The following GRID1 variants were observed in gnomAD, a reference collection of about 807,000 sequenced individuals.
The protein encoded by GRID1 is glutamate ionotropic receptor delta type subunit 1, also known as glutamate receptor ionotropic, delta-1.
Under a neutral mutation model 98.0 loss-of-function variants are expected in GRID1, and 28 were observed. The ratio of observed to expected loss-of-function variants is 0.29; its 90% CI spans 0.21 to 0.39. GRID1 has a LOEUF of 0.39. Among genes scored for constraint, GRID1 ranks in the 10% least tolerant of loss-of-function variants. GRID1 has a pLI of 1.00. For synonymous variants in GRID1, 553 were observed against 538.5 expected, an observed-to-expected ratio of 1.03 and a Z score of -0.37; for missense variants, 1,111 against 1,340.5, an observed-to-expected ratio of 0.83 and a Z score of 2.67.
chr10:85,650,792 G>A (rs1017099685), intron 12 of GRID1, among the ~76,000 whole-genome samples: 15 of 152,200 alleles, frequency 9.9e-5, no homozygotes, highest in South Asian at 4.1e-4. Context: ...TACCTGAGAA[G>A]GCATTTGGGT....
intron 12 of GRID1, among the ~76,000 whole-genome samples, chr10:85,704,489 A>G (rs1841491302): frequency 6.6e-6 from 1 of 152,214 alleles, no homozygotes; most frequent in Non-Finnish European, 1.5e-5. Flanking sequence ...GAGACCTAGA[A>G]AGAGACTTAG....
intron 12 of GRID1, among the ~76,000 whole-genome samples, chr10:85,699,822 G>T (rs1453164674): frequency 6.6e-6 from 1 of 152,108 alleles, no homozygotes; most frequent in Non-Finnish European, 1.5e-5. Flanking sequence ...TCTTTCCTTA[G>T]TTTAACGCAA....
rs1278195163 is a variant in GRID1 at position 86,364,023 on chromosome 10, G to A, written c.153C>T (p.Asn51=). ...TCTTCTCGCTCTGCAGGATGTCATCGTTGAGGCTCAGGTCGGATACCGCCA... is the reference window on the plus strand; with the variant it reads ...TCTTCTCGCTCTGCAGGATGTCATCATTGAGGCTCAGGTCGGATACCGCCA... ...FQLAVSDLSL[N]DDILQSEKIT... The change falls in exon 2 of 16, where the codon AAC becomes AAT. Residue 51 remains asparagine, a synonymous_variant. Transcript: ENST00000327946. 1 of 1,613,640 alleles carries A rather than the reference G, an allele frequency of 6.2e-7. No homozygotes were observed. Among genetic ancestry groups the A allele is most frequent in the African/African-American group, 1.3e-5 (1 of 74,930 alleles).
intron 8 of GRID1, among the ~76,000 whole-genome samples, chr10:85,817,458 C>G (rs1590245232): frequency 6.6e-6 from 1 of 151,978 alleles, no homozygotes; most frequent in African/African-American, 2.4e-5. Context: ...CCCAAGAGGT[C>G]AAGGCTGCAG....
At chr10:86,199,998 T>C (rs1589407976) in intron 3 of GRID1, among the ~76,000 whole-genome samples, 1 of 151,830 alleles carries the variant, frequency 6.6e-6, no homozygotes, top group Non-Finnish European at 1.5e-5. Context: ...TAAGGCCTCC[T>C]CCGACTGTCT....
intron 13 of GRID1, among the ~76,000 whole-genome samples, chr10:85,635,343 A>C (rs1228740522): frequency 6.6e-6 from 1 of 152,188 alleles, no homozygotes; most frequent in African/African-American, 2.4e-5. Context: ...GGGCCAACTC[A>C]GTCAATTGTA....
intron 4 of GRID1, among the ~76,000 whole-genome samples, chr10:85,967,581 G>T: frequency 6.6e-6 from 1 of 152,208 alleles, no homozygotes; most frequent in East Asian, 1.9e-4. Flanking sequence ...AGAGAAAATC[G>T]TGTCTAAAAA....
chr10:85,828,911 C>T (rs542210752), intron 8 of GRID1, among the ~76,000 whole-genome samples: 1 of 152,252 alleles, frequency 6.6e-6, no homozygotes, highest in South Asian at 2.1e-4. Flanking sequence ...GCTACTGAAA[C>T]TATTCCAAAA....
At chr10:85,895,408 C>T (rs1441930617) in intron 5 of GRID1, among the ~76,000 whole-genome samples, 2 of 152,128 alleles carry the variant, frequency 1.3e-5, no homozygotes, top group Non-Finnish European at 2.9e-5. Context: ...GTCTCCTCAG[C>T]TCAATCAGAA....
At chr10:86,255,412 G>A (rs1029776086) in intron 2 of GRID1, among the ~76,000 whole-genome samples, 11 of 152,112 alleles carry the variant, frequency 7.2e-5, no homozygotes, top group Non-Finnish European at 2.9e-5. Context: ...CACTTTTAGA[G>A]AAGCGCACTA....
At chr10:85,738,777 A>G (rs928884924) in intron 8 of GRID1, among the ~76,000 whole-genome samples, 2 of 152,188 alleles carry the variant, frequency 1.3e-5, no homozygotes, top group African/African-American at 2.4e-5. Context: ...TGCTGTTAAT[A>G]TGGCATTCTC....
chr10:86,113,520 A>C (rs1157268539), intron 4 of GRID1, among the ~76,000 whole-genome samples: 2 of 152,212 alleles, frequency 1.3e-5, no homozygotes, highest in Admixed American at 6.5e-5. Flanking sequence ...GTCATGTCTC[A>C]TTACATGGTT....
chr10:86,351,631 C>G (rs1433957474), intron 2 of GRID1, among the ~76,000 whole-genome samples: 1 of 152,166 alleles, frequency 6.6e-6, no homozygotes, highest in African/African-American at 2.4e-5. Context: ...TGATGCACCC[C>G]CTTCTCTTGG....
intron 8 of GRID1, among the ~76,000 whole-genome samples, chr10:85,808,065 C>A (rs1170253469): frequency 6.6e-6 from 1 of 151,968 alleles, no homozygotes; most frequent in African/African-American, 2.4e-5. Context: ...ATAATAGAAT[C>A]ATAAAAATAA....
At chr10:86,074,867 G>T (rs113516588) in intron 4 of GRID1, among the ~76,000 whole-genome samples, 1 of 152,198 alleles carries the variant, frequency 6.6e-6, no homozygotes, top group Non-Finnish European at 1.5e-5. Flanking sequence ...GATGAGTGTC[G>T]ATGTATGAAT....
chr10:86,119,939 C>T (rs1261351761), intron 4 of GRID1, among the ~76,000 whole-genome samples: 4 of 152,070 alleles, frequency 2.6e-5, no homozygotes, highest in Non-Finnish European at 4.4e-5. Context: ...TACAGGTACC[C>T]GCCACCATGC....
intron 2 of GRID1, among the ~76,000 whole-genome samples, chr10:86,274,854 C>T (rs1476912338): frequency 6.6e-6 from 1 of 151,750 alleles, no homozygotes; most frequent in Non-Finnish European, 1.5e-5. Context: ...ATGTCATCTG[C>T]AAACAGGGAC....
At chr10:86,181,605 A>T (rs1198835610) in intron 3 of GRID1, among the ~76,000 whole-genome samples, 1 of 152,156 alleles carries the variant, frequency 6.6e-6, no homozygotes, top group Non-Finnish European at 1.5e-5. Flanking sequence ...CCTTCCTTGA[A>T]GTATAGACAC....
intron 8 of GRID1, among the ~76,000 whole-genome samples, chr10:85,782,911 G>C (rs1842393591): frequency 6.6e-6 from 1 of 152,166 alleles, no homozygotes; most frequent in African/African-American, 2.4e-5. Flanking sequence ...GACACACATT[G>C]ACATGGGATC....
Sources: allele counts gnomAD v4.1 joint callset (sites outside exome capture counted in the v4.1 genomes callset), GRCh38; gene constraint gnomAD v4.1.1; transcripts MANE v1.5; gene names NCBI Gene and HGNC (gene_info 2026-07-23, HGNC 2026-07-21).